Variants in TMEM87A observed in about 807,000 individuals in gnomAD.
TMEM87A encodes the protein transmembrane protein 87A.
In TMEM87A, 50 loss-of-function variants were observed where a neutral mutation model predicts 90.0. The observed-to-expected ratio is 0.56, with a 90% CI of 0.44 to 0.70. The LOEUF is 0.70. Among genes scored for constraint, TMEM87A ranks in the 30% least tolerant of loss-of-function variants. The probability of loss-of-function intolerance (pLI) is 0.00; values close to 1 mark genes in which losing one functional copy is unlikely to be tolerated. For synonymous variants in TMEM87A, 226 were observed against 226.7 expected, an observed-to-expected ratio of 1.00 and a Z score of 0.03; for missense variants, 577 against 660.5, an observed-to-expected ratio of 0.87 and a Z score of 1.39.
chr15:42,250,542 G>C (rs535998179), intron 6 of TMEM87A, among the ~76,000 whole-genome samples: 1 of 152,138 alleles, frequency 6.6e-6, no homozygotes, highest in Non-Finnish European at 1.5e-5. Context: ...AGTTTGGCTG[G>C]ATATGAAATT....
chr15:42,231,123 A>C, intron 12 of TMEM87A, 69 bp downstream of exon 12: 1 of 1,378,852 alleles, frequency 7.3e-7, no homozygotes, highest in Admixed American at 2.4e-5. Context: ...TCTTTGCAGA[A>C]AGATCAATGG....
At chr15:42,214,817 C>G (rs2050353878) in intron 19 of TMEM87A, among the ~76,000 whole-genome samples, 1 of 152,110 alleles carries the variant, frequency 6.6e-6, no homozygotes, top group Non-Finnish European at 1.5e-5. Context: ...ACCAAAAGCA[C>G]AAAACAAGAG....
intron 15 of TMEM87A, among the ~76,000 whole-genome samples, chr15:42,224,136 T>G (rs2050546612): frequency 1.3e-5 from 2 of 152,144 alleles, no homozygotes. Context: ...AGTGTAACAG[T>G]ATGGTTTATG....
At chr15:42,258,696 G>A in intron 6 of TMEM87A, 1 of 1,206,110 alleles carries the variant, frequency 8.3e-7, no homozygotes, top group South Asian at 2.6e-5. Flanking sequence ...CAAAGTGTTG[G>A]CATTACAGGC....
At chr15:42,265,969 T>A (rs2051394683) in intron 3 of TMEM87A, among the ~76,000 whole-genome samples, 1 of 152,006 alleles carries the variant, frequency 6.6e-6, no homozygotes, top group Non-Finnish European at 1.5e-5. Flanking sequence ...AAATAGGGAG[T>A]CCTTTCCCCA....
At chr15:42,231,951 C>CA (rs1020126729) in intron 11 of TMEM87A, 1 of 1,187,084 alleles carries the variant, frequency 8.4e-7, no homozygotes, top group African/African-American at 1.6e-5. Context: ...ATGAAATTGA[C>CA]AGAGGGTTAA....
intron 19 of TMEM87A, among the ~76,000 whole-genome samples, chr15:42,217,580 A>G (rs1480187073): frequency 6.6e-6 from 1 of 152,212 alleles, no homozygotes; most frequent in East Asian, 1.9e-4. Context: ...GTCTGACCAT[A>G]TAACTTTGAA....
At chr15:42,269,961 A>G (rs1242850227) in intron 2 of TMEM87A, among the ~76,000 whole-genome samples, 1 of 151,606 alleles carries the variant, frequency 6.6e-6, no homozygotes, top group Non-Finnish European at 1.5e-5. Flanking sequence ...AAAAAAAAAA[A>G]AAAATGGTCC....
chr15:42,273,439 C>T (rs770495201), upstream of TMEM87A: 9 of 1,610,550 alleles, frequency 5.6e-6, no homozygotes, highest in Middle Eastern at 1.6e-4. Flanking sequence ...ATTTCACCCT[C>T]TTCCGGTTCG....
At chr15:42,253,932 G>C (rs992291219) in intron 6 of TMEM87A, among the ~76,000 whole-genome samples, 14 of 152,184 alleles carry the variant, frequency 9.2e-5, no homozygotes, top group Admixed American at 9.2e-4. Flanking sequence ...ATTTCCAAGG[G>C]AAATATTAAG....
At chr15:42,225,674 G>A (rs879892850) in intron 15 of TMEM87A, among the ~76,000 whole-genome samples, 5 of 152,088 alleles carry the variant, frequency 3.3e-5, no homozygotes, top group Admixed American at 6.5e-5. Flanking sequence ...TGGGATTAGA[G>A]GTGTGCACTG....
intron 15 of TMEM87A, chr15:42,224,641 C>T (rs2050556668): frequency 6.6e-6 from 1 of 152,118 alleles, no homozygotes; most frequent in South Asian, 2.1e-4. Flanking sequence ...CCCTGACACA[C>T]CTCAAACTGG....
At chr15:42,231,484 G>A (rs538973077) in intron 11 of TMEM87A, among the ~76,000 whole-genome samples, 30 of 152,130 alleles carry the variant, frequency 2.0e-4, no homozygotes, top group Non-Finnish European at 3.2e-4. Context: ...TTACAATCTC[G>A]AAACATACTG....
Position 42,273,291 on chromosome 15 carries a change from A to G in TMEM87A, c.108T>C (p.Ala36=), listed in dbSNP as rs750032382. 3 of 1,614,194 alleles carry G rather than the reference A, an allele frequency of 1.9e-6. No individual in the cohort carries two copies. The highest frequency in any genetic ancestry group is 2.5e-6 in the Non-Finnish European group (3 of 1,180,044). Residue 36 remains alanine, a synonymous_variant, in exon 1 of 20, where the codon GCT becomes GCC. Transcript: ENST00000389834. The part of the protein sequence containing the change: ...FFSAGPATVA[A]ADRSKWHIPI... ...GAATGTGCCATTTGGACCGGTCGGC[A>G]GCAGCTACGGTTGCCGGTCCCGCAC...
Position 42,267,808 on chromosome 15 carries a change from T to C in TMEM87A, c.291+139A>G, listed in dbSNP as rs144026687. 1.1e-4 allele frequency: 60 copies of C among 550,850 alleles called. 1 individual carries two copies. The highest frequency in any genetic ancestry group is 1.1e-3 in the East Asian group (33 of 30,556). 34.1% of individuals were successfully genotyped at this position (550,850 alleles called of 1,614,324 possible). A position where few individuals can be genotyped will look rare whatever the true frequency, so the allele number is the denominator to read the frequency against. ...CCAAAAAGTTTGAGAATTGGTGGTC[T>C]GCAAATTGGGAAGCATGCATTCTAG... On this transcript the variant is annotated intron_variant, in intron 3 of 19. Coordinates refer to ENST00000389834, the MANE Select transcript of TMEM87A (RefSeq NM_015497.5).
chr15:42,252,650 T>A (rs1042344175), intron 6 of TMEM87A, among the ~76,000 whole-genome samples: 2 of 152,172 alleles, frequency 1.3e-5, no homozygotes, highest in African/African-American at 2.4e-5. Context: ...AGGCTCATCT[T>A]CATTCTTTTT....
Position 42,219,570 on chromosome 15 carries a change from G to A in TMEM87A, c.1539+11C>T. ...ACAAAGAACAAAGACAAATGGAAAA[G>A]TCATACTTACTGCTTTGTTAACTTT... On this transcript the variant is annotated intron_variant, in intron 17 of 19. Coordinates refer to ENST00000389834, the MANE Select transcript of TMEM87A (RefSeq NM_015497.5). The A allele has an allele frequency of 6.3e-7, 1 of 1,588,966 alleles. No homozygotes were observed. Among genetic ancestry groups the A allele is most frequent in the Non-Finnish European group, 8.6e-7 (1 of 1,165,400 alleles).
In TMEM87A at chr15:42,273,285, G is replaced by A. The variant is rs140400607; in HGVS notation, c.114C>T (p.Asp38=). The A allele has an allele frequency of 2.7e-5, 44 of 1,614,142 alleles. No homozygotes were observed. In the African/African-American group the frequency reaches 5.2e-4, roughly 19 times the overall value. Residue 38 remains aspartate, a synonymous_variant, in exon 1 of 20, where the codon GAC becomes GAT. Transcript: ENST00000389834. ...SAGPATVAAA[D]RSKWHIPIPS... ...GTATCGGAATGTGCCATTTGGACCG[G>A]TCGGCAGCAGCTACGGTTGCCGGTC...
At chr15:42,226,038 T>C (rs757810227) in intron 15 of TMEM87A, among the ~76,000 whole-genome samples, 2 of 152,178 alleles carry the variant, frequency 1.3e-5, no homozygotes, top group Non-Finnish European at 2.9e-5. Flanking sequence ...AGTCTCGCTC[T>C]GTCACCTATG....
Sources: gnomAD v4.1 joint callset for allele counts (sites outside exome capture counted in the v4.1 genomes callset) on GRCh38, gnomAD v4.1.1 for gene constraint, MANE v1.5 for transcripts, NCBI Gene and HGNC (gene_info 2026-07-23, HGNC 2026-07-21) for gene names.